CEPT1: variants seen among roughly 807,000 people sequenced by gnomAD.
CEPT1 encodes choline/ethanolamine phosphotransferase 1, also known as choline/ethanolaminephosphotransferase 1.
In CEPT1, 7 loss-of-function variants were observed where a neutral mutation model predicts 42.6. That is an observed-to-expected ratio of 0.16 (90% CI 0.09 to 0.31). CEPT1 has a LOEUF of 0.31. Among genes scored for constraint, CEPT1 ranks in the 10% least tolerant of loss-of-function variants. CEPT1 has a pLI of 1.00. For synonymous variants in CEPT1, 171 were observed against 171.9 expected (o/e 0.99, Z 0.04); for missense variants, 306 against 502.1 (o/e 0.61, Z 3.73).
intron 3 of CEPT1, chr1:111,159,850 G>T: frequency 5.5e-6 from 1 of 183,380 alleles, no homozygotes; most frequent in Non-Finnish European, 1.1e-5. Flanking sequence ...TAGGTAATTT[G>T]TGGTCTTCAT....
At chr1:111,171,719 G>A (rs1656423959) in intron 4 of CEPT1, among the ~76,000 whole-genome samples, 1 of 152,160 alleles carries the variant, frequency 6.6e-6, no homozygotes, top group Admixed American at 6.5e-5. Context: ...ATATTAAAAT[G>A]AAGTAGAAAT....
rs1170198552 is a variant in CEPT1, at chr1:111,165,717, A to G, written c.629+4421A>G. The stretch of plus-strand genomic sequence containing the variant: ...ATTTTTGCTTTTATTACATTTTTCA[A>G]TTCATGCTTCTAAAGTTTCACATTT... On this transcript the variant is annotated intron_variant, in intron 4 of 8. Transcript: ENST00000357172. Among the ~76,000 whole-genome samples the G allele has an allele frequency of 2.6e-5, 4 of 152,300 alleles. No individual in the cohort carries two copies. In the South Asian group the frequency reaches 6.2e-4, roughly 24 times the overall value.
At chr1:111,146,318 TA>T (rs1250310705) in intron 1 of CEPT1, among the ~76,000 whole-genome samples, 1 of 152,116 alleles carries the variant, frequency 6.6e-6, no homozygotes, top group Non-Finnish European at 1.5e-5. Context: ...CACATGTATA[TA>T]TTCCATTCCT....
At chr1:111,161,527 C>G (rs575564807) in intron 4 of CEPT1, among the ~76,000 whole-genome samples, 5 of 152,188 alleles carry the variant, frequency 3.3e-5, no homozygotes, top group Admixed American at 2.6e-4. Context: ...AAAAGCAATA[C>G]AAAAAGCAGT....
intron 2 of CEPT1, among the ~76,000 whole-genome samples, chr1:111,148,567 T>G (rs539447188): frequency 2.0e-5 from 3 of 152,284 alleles, no homozygotes; most frequent in South Asian, 4.1e-4. Context: ...AAAGGAAGTG[T>G]AAGAAAAAGT....
chr1:111,183,678 C>CA, intron 8 of CEPT1, 91 bp downstream of exon 8: 1 of 1,255,164 alleles, frequency 8.0e-7, no homozygotes, highest in Non-Finnish European at 1.1e-6. Context: ...AAAGATCGTT[C>CA]ATATAATTGT....
In CEPT1 at chr1:111,184,352, A is replaced by G. The variant is rs1288457439; in HGVS notation, c.*42A>G. 1.3e-6 allele frequency: 2 copies of G among 1,528,694 alleles called. No individual in the cohort carries two copies. The highest frequency in any genetic ancestry group is 1.8e-6 in the Non-Finnish European group (2 of 1,113,530). 94.7% of individuals were successfully genotyped at this position (1,528,694 alleles called of 1,614,324 possible). A position where few individuals can be genotyped will look rare whatever the true frequency, so the allele number is the denominator to read the frequency against. The stretch of plus-strand genomic sequence containing the variant: ...TAGGAACATCATGTTTTCTGCAGGA[A>G]AGAAAGTAACATATTAAGGAGAATG... On this transcript the variant is annotated 3_prime_UTR_variant, in exon 9 of 9. Coordinates refer to ENST00000357172, the MANE Select transcript of CEPT1 (RefSeq NM_006090.5).
At chr1:111,149,771 T>C (rs1655173662) in intron 2 of CEPT1, among the ~76,000 whole-genome samples, 1 of 151,720 alleles carries the variant, frequency 6.6e-6, no homozygotes, top group Admixed American at 6.6e-5. Context: ...AACAGGGAGG[T>C]GGATTGATTC....
chr1:111,166,607 A>G (rs559833847), intron 4 of CEPT1, among the ~76,000 whole-genome samples: 67 of 152,322 alleles, frequency 4.4e-4, no homozygotes, highest in African/African-American at 1.6e-3. Flanking sequence ...CATATATGCT[A>G]GTTTTTTTGA....
chr1:111,149,586 G>A (rs1655163857), intron 2 of CEPT1, among the ~76,000 whole-genome samples: 1 of 152,060 alleles, frequency 6.6e-6, no homozygotes, highest in Admixed American at 6.6e-5. Flanking sequence ...CTCTCTTCCT[G>A]TTGCTCAGTT....
chr1:111,178,543 G>A (rs1338294225), intron 5 of CEPT1: 1 of 151,054 alleles, frequency 6.6e-6, no homozygotes, highest in Non-Finnish European at 1.5e-5. Flanking sequence ...GAAACAAAAA[G>A]CATATTTTTT....
At chr1:111,172,237 A>G (rs1385782270) in intron 4 of CEPT1, among the ~76,000 whole-genome samples, 1 of 151,884 alleles carries the variant, frequency 6.6e-6, no homozygotes, top group African/African-American at 2.4e-5. Flanking sequence ...CACATACCCC[A>G]TGTGTCTTGA....
At position 111,153,196 on chromosome 1, in the gene CEPT1, G is replaced by A. The variant is rs138340484; in HGVS notation, c.339+5143G>A. Among the ~76,000 whole-genome samples the A allele has an allele frequency of 5.3e-5, 8 of 151,028 alleles. No homozygotes were observed. In the East Asian group the frequency reaches 1.6e-3, roughly 29 times the overall value. ...TACTTCTATGAGCATTTTTTTTTTA[G>A]CTCCTGCATATGAGTAAGAACTTGC... On this transcript the variant is annotated intron_variant, in intron 2 of 8. Transcript: ENST00000357172.
intron 6 of CEPT1, chr1:111,182,522 A>C: frequency 1.7e-6 from 1 of 585,052 alleles, no homozygotes; most frequent in Non-Finnish European, 2.9e-6. Context: ...TTATGCATAC[A>C]CACACACAAA....
intron 4 of CEPT1, among the ~76,000 whole-genome samples, chr1:111,165,030 C>T (rs1656066304): frequency 6.8e-6 from 1 of 146,564 alleles, no homozygotes; most frequent in African/African-American, 2.5e-5. Context: ...ACTATACTTA[C>T]ATAAAACATC....
At chr1:111,164,812 A>G (rs1656052463) in intron 4 of CEPT1, among the ~76,000 whole-genome samples, 1 of 151,758 alleles carries the variant, frequency 6.6e-6, no homozygotes, top group Admixed American at 6.6e-5. Context: ...TTTAGTAGAG[A>G]TGGGGTTTCA....
At chr1:111,152,309 T>C (rs1224752685) in intron 2 of CEPT1, among the ~76,000 whole-genome samples, 3 of 135,606 alleles carry the variant, frequency 2.2e-5, no homozygotes, top group Admixed American at 7.5e-5. Flanking sequence ...AGTTAACTTA[T>C]GTTGACATTG....
At chr1:111,152,068 A>G (rs1291975352) in intron 2 of CEPT1, among the ~76,000 whole-genome samples, 2 of 152,188 alleles carry the variant, frequency 1.3e-5, no homozygotes, top group African/African-American at 4.8e-5. Flanking sequence ...GTTAACCTGT[A>G]TTATACCCAT....
intron 1 of CEPT1, among the ~76,000 whole-genome samples, chr1:111,143,831 G>A (rs1329809904): frequency 3.9e-5 from 6 of 151,942 alleles, no homozygotes; most frequent in Non-Finnish European, 7.4e-5. Context: ...TCAACCTCCC[G>A]GGCTCAAGCA....
Sources: gnomAD v4.1 joint callset for allele counts (sites outside exome capture counted in the v4.1 genomes callset) on GRCh38, gnomAD v4.1.1 for gene constraint, MANE v1.5 for transcripts, NCBI Gene and HGNC (gene_info 2026-07-23, HGNC 2026-07-21) for gene names.